JAK2: variants seen among roughly 807,000 people sequenced by gnomAD.
The protein encoded by JAK2 is Janus kinase 2.
Under a neutral mutation model 139.3 loss-of-function variants are expected in JAK2, and 86 were observed. The observed-to-expected ratio is 0.62, with a 90% CI of 0.52 to 0.74. The LOEUF is 0.74. Among genes scored for constraint, JAK2 ranks in the 30% least tolerant of loss-of-function variants. The probability of loss-of-function intolerance (pLI) is 0.00; values close to 1 mark genes in which losing one functional copy is unlikely to be tolerated. For missense variants in JAK2, 1,421 were observed against 1,360.3 expected, an observed-to-expected ratio of 1.04 and a Z score of -0.70; for synonymous variants, 490 against 437.7, an observed-to-expected ratio of 1.12 and a Z score of -1.49.
At chr9:5,032,106 G>T (rs183828006) in intron 4 of JAK2, among the ~76,000 whole-genome samples, 1 of 152,202 alleles carries the variant, frequency 6.6e-6, no homozygotes, top group African/African-American at 2.4e-5. Flanking sequence ...CACATATCCC[G>T]CGCCTGGCTC....
chr9:5,010,480 C>G (rs1821625377), intron 2 of JAK2, among the ~76,000 whole-genome samples: 1 of 152,062 alleles, frequency 6.6e-6, no homozygotes, highest in African/African-American at 2.4e-5. Flanking sequence ...ACCACTATGC[C>G]CGGCTAATTT....
chr9:5,042,124 CTTTTTTTT>C (rs71326152), intron 4 of JAK2, among the ~76,000 whole-genome samples: 14 of 107,614 alleles, frequency 1.3e-4, no homozygotes, highest in South Asian at 6.0e-4. Context: ...GCCAAAATTT[CTTTTTTTT>C]TTTTTTTTTT....
At chr9:5,001,079 T>C (rs143347528) in intron 2 of JAK2, among the ~76,000 whole-genome samples, 46 of 152,338 alleles carry the variant, frequency 3.0e-4, no homozygotes, top group African/African-American at 1.1e-3. Flanking sequence ...GTAAATTCAT[T>C]TATAAGTTCT....
rs1430399790 is a variant in JAK2, at chr9:4,988,414, C to A, written c.-26+2392C>A. On this transcript the variant is annotated intron_variant, in intron 2 of 24. Transcript: ENST00000381652. ...CAGTGTGGTATTGTCCAATTTGATT[C>A]TAAGGTTTGATAAGTTCTACAGTGC... is the stretch of plus-strand genomic sequence containing the variant. 2.0e-5 allele frequency among the ~76,000 whole-genome samples: 3 copies of A among 151,966 alleles called. No homozygotes were observed. In the East Asian group the frequency reaches 5.8e-4, roughly 29 times the overall value.
intron 2 of JAK2, among the ~76,000 whole-genome samples, chr9:4,993,328 C>T (rs1371442375): frequency 2.1e-4 from 32 of 152,146 alleles, no homozygotes; most frequent in Non-Finnish European, 7.4e-5. Flanking sequence ...TGGATCTTTG[C>T]TCTGAGGCCC....
intron 22 of JAK2, chr9:5,091,656 G>GAGGC (rs1301306363): frequency 6.6e-6 from 1 of 152,124 alleles, no homozygotes; most frequent in African/African-American, 2.4e-5. Flanking sequence ...TACAGTAATG[G>GAGGC]AGGCTGAAGT....
At chr9:5,118,744 C>T (rs543295848) in intron 22 of JAK2, among the ~76,000 whole-genome samples, 8 of 152,218 alleles carry the variant, frequency 5.3e-5, no homozygotes, top group South Asian at 2.1e-4. Context: ...ATTTCTATGA[C>T]GCCTTCTGAG....
intron 2 of JAK2, among the ~76,000 whole-genome samples, chr9:4,996,716 C>T (rs1197671645): frequency 2.0e-5 from 3 of 151,758 alleles, no homozygotes; most frequent in Non-Finnish European, 4.4e-5. Context: ...CCCTCCCTGC[C>T]ACAGACTTTT....
In JAK2 at chr9:5,127,477, A is replaced by G. The variant is rs1240258333; in HGVS notation, c.*686A>G. The stretch of plus-strand genomic sequence containing the variant: ...TAGGAAATTTCCCTGACCCTAAATA[A>G]TACATTTTGAAATGAAACAAGCTTA... On this transcript the variant is annotated 3_prime_UTR_variant, in exon 25 of 25. Coordinates refer to ENST00000381652, the MANE Select transcript of JAK2 (RefSeq NM_004972.4). 2 of 231,386 alleles carry G rather than the reference A, an allele frequency of 8.6e-6. No individual in the cohort carries two copies. Among genetic ancestry groups the G allele is most frequent in the Non-Finnish European group, 1.7e-5 (2 of 116,484 alleles). The allele number at this position is 231,386 out of a possible 1,614,324, so 14.3% of individuals were successfully genotyped here.
rs1282212623 is a variant in JAK2 at position 5,055,680 on chromosome 9, A to T, written c.948A>T (p.Leu316Phe). Residue 316 changes from leucine (L) to phenylalanine (F), a missense_variant, in exon 8 of 25, where the codon TTA becomes TTT. Leu to Phe is a conservative substitution (Grantham distance 22). Transcript: ENST00000381652. ...SETLTEQDLQ[L>F]YCDFPNIIDV... ...GCTTTTAATTATAGGATTTACAGTT[A>T]TATTGCGATTTTCCTAATATTATTG... The T allele has an allele frequency of 3.2e-6, 5 of 1,574,358 alleles. No homozygotes were observed. The highest frequency in any genetic ancestry group is 4.4e-6 in the Non-Finnish European group (5 of 1,146,902).
intron 5 of JAK2, among the ~76,000 whole-genome samples, chr9:5,049,215 T>C (rs1300888618): frequency 1.3e-5 from 2 of 152,210 alleles, no homozygotes; most frequent in Non-Finnish European, 2.9e-5. Context: ...CTTCAAGCAC[T>C]TCTATCATTG....
At chr9:5,027,212 C>T (rs1329370030) in intron 3 of JAK2, among the ~76,000 whole-genome samples, 1 of 152,136 alleles carries the variant, frequency 6.6e-6, no homozygotes, top group Non-Finnish European at 1.5e-5. Context: ...TGACACACCT[C>T]GGAGATATTG....
At chr9:5,103,220 GC>G (rs1821662316) in intron 22 of JAK2, among the ~76,000 whole-genome samples, 2 of 6,904 alleles carry the variant, frequency 2.9e-4, no homozygotes, top group Non-Finnish European at 5.2e-4. Context: ...CAAAGGGAAA[GC>G]AAAAAAAAAA....
intron 2 of JAK2, among the ~76,000 whole-genome samples, chr9:4,995,340 G>C (rs948906881): frequency 2.0e-5 from 3 of 152,094 alleles, no homozygotes; most frequent in Non-Finnish European, 1.5e-5. Context: ...TAGATAGTGT[G>C]ATTTTGTTGT....
intron 2 of JAK2, among the ~76,000 whole-genome samples, chr9:4,996,321 G>T (rs1469852764): frequency 6.6e-6 from 1 of 152,170 alleles, no homozygotes; most frequent in East Asian, 1.9e-4. Context: ...GGTGGTGCAT[G>T]CCTGTAATCT....
At chr9:5,086,953 T>A (rs1226550287) in intron 19 of JAK2, among the ~76,000 whole-genome samples, 1 of 152,220 alleles carries the variant, frequency 6.6e-6, no homozygotes, top group Non-Finnish European at 1.5e-5. Context: ...ATTATCTGCT[T>A]CACTTTCCCT....
At chr9:5,074,215 T>C (rs760077626) in intron 14 of JAK2, among the ~76,000 whole-genome samples, 1 of 152,174 alleles carries the variant, frequency 6.6e-6, no homozygotes, top group Non-Finnish European at 1.5e-5. Context: ...GATATATTTT[T>C]TGGCTAAATT....
rs1266649645 is a variant in JAK2, at chr9:5,022,030, T to C, written c.43T>C (p.Ser15Pro). The change falls in exon 3 of 25, where the codon TCC becomes CCC. Residue 15 changes from serine to proline, a missense_variant. Physicochemically the swap from Ser to Pro is moderately conservative, Grantham distance 74. Transcript: ENST00000381652. The stretch of plus-strand genomic sequence containing the variant: ...TACGATGACAGAAATGGAGGGAACA[T>C]CCACCTCTTCTATATATCAGAATGG... ...CLTMTEMEGT[S>P]TSSIYQNGDI... 1.2e-6 allele frequency: 2 copies of C among 1,614,178 alleles called. No individual in the cohort carries two copies. The highest frequency in any genetic ancestry group is 1.1e-5 in the South Asian group (1 of 91,088).
At chr9:5,089,944 C>A (rs548066870) in intron 20 of JAK2, 81 bp downstream of exon 20, 7 of 961,228 alleles carry the variant, frequency 7.3e-6, no homozygotes, top group Middle Eastern at 3.6e-4. Context: ...AATGTCTTAA[C>A]GATCTGGACT....
Sources: allele counts gnomAD v4.1 joint callset (sites outside exome capture counted in the v4.1 genomes callset), GRCh38; gene constraint gnomAD v4.1.1; transcripts MANE v1.5; gene names NCBI Gene and HGNC (gene_info 2026-07-23, HGNC 2026-07-21).